The following SBF2 variants were observed in gnomAD, a reference collection of about 807,000 sequenced individuals.
SBF2 encodes the protein myotubularin-related protein 13.
Under a neutral mutation model 225.2 loss-of-function variants are expected in SBF2, and 112 were observed. The ratio of observed to expected loss-of-function variants is 0.50; its 90% CI spans 0.43 to 0.58. The LOEUF (loss-of-function observed/expected upper bound fraction) is 0.58. Ranked by LOEUF, SBF2 falls within the 20% of genes least tolerant of loss-of-function variation. The pLI, the probability that SBF2 is intolerant of heterozygous loss-of-function variation, is 0.00. For synonymous variants in SBF2, 763 were observed against 773.3 expected, an observed-to-expected ratio of 0.99 and a Z score of 0.22; for missense variants, 1,996 against 2,206.2, an observed-to-expected ratio of 0.90 and a Z score of 1.91.
chr11:9,839,463 G>A (rs1445104460), intron 26 of SBF2, 35 bp downstream of exon 26: 19 of 1,594,578 alleles, frequency 1.2e-5, no homozygotes, highest in Middle Eastern at 3.3e-4. Flanking sequence ...AGAAAGGAAG[G>A]AAGACCTCTT....
intron 2 of SBF2, among the ~76,000 whole-genome samples, chr11:10,127,453 T>C (rs539237138): frequency 1.8e-4 from 28 of 152,082 alleles, no homozygotes; most frequent in Non-Finnish European, 1.0e-4. Context: ...TTTTCTATTG[T>C]TGTTATCTCA....
Position 9,939,385 on chromosome 11 carries a change from T to C in SBF2, c.1860+22572A>G, listed in dbSNP as rs530367405. Among the ~76,000 whole-genome samples the C allele has an allele frequency of 2.8e-4, 42 of 152,290 alleles. No homozygotes were observed. The South Asian group carries it at 4.4e-3, about 16-fold the overall frequency. On this transcript the variant is annotated intron_variant, in intron 16 of 39. Coordinates refer to ENST00000256190, the MANE Select transcript of SBF2 (RefSeq NM_030962.4). Reference sequence around the variant, plus strand: ...TGCTGGTATTACAGGCGTGAGCCACTGCGCCCGGCCTAAACATGCATTTAA... The same window carrying C: ...TGCTGGTATTACAGGCGTGAGCCACCGCGCCCGGCCTAAACATGCATTTAA...
chr11:9,926,597 G>A (rs1864073221), intron 16 of SBF2, among the ~76,000 whole-genome samples: 1 of 152,050 alleles, frequency 6.6e-6, no homozygotes, highest in South Asian at 2.1e-4. Context: ...ACCTCTGAAA[G>A]ATCCACGCAA....
chr11:10,003,410 G>A (rs1194408539), intron 6 of SBF2, among the ~76,000 whole-genome samples: 2 of 147,454 alleles, frequency 1.4e-5, no homozygotes, highest in African/African-American at 5.0e-5. Flanking sequence ...CTCTGTCATC[G>A]AGGTTGGAGT....
At chr11:10,123,044 G>A (rs183159584) in intron 2 of SBF2, among the ~76,000 whole-genome samples, 1 of 152,086 alleles carries the variant, frequency 6.6e-6, no homozygotes, top group East Asian at 1.9e-4. Context: ...TCACCACACA[G>A]GCAGCTCTTA....
intron 2 of SBF2, among the ~76,000 whole-genome samples, chr11:10,103,163 C>T (rs1184449878): frequency 1.3e-5 from 2 of 151,984 alleles, no homozygotes; most frequent in Non-Finnish European, 2.9e-5. Context: ...ATCATTTTGG[C>T]CAAATGAATG....
At chr11:10,172,754 C>T (rs1253619683) in intron 2 of SBF2, among the ~76,000 whole-genome samples, 4 of 152,100 alleles carry the variant, frequency 2.6e-5, no homozygotes, top group Non-Finnish European at 5.9e-5. Flanking sequence ...GTAACCTCTG[C>T]CTCCTGGGTT....
chr11:10,212,606 T>C (rs1437975902), intron 1 of SBF2, among the ~76,000 whole-genome samples: 3 of 152,218 alleles, frequency 2.0e-5, no homozygotes, highest in African/African-American at 7.2e-5. Flanking sequence ...CTACATTCAT[T>C]GGACCTTAAG....
chr11:10,062,411 A>T (rs927425743), intron 2 of SBF2, among the ~76,000 whole-genome samples: 3 of 152,230 alleles, frequency 2.0e-5, no homozygotes, highest in Non-Finnish European at 2.9e-5. Flanking sequence ...AAGCCTACAG[A>T]CTGGGAGAAA....
chr11:9,930,102 A>G (rs560184836), intron 16 of SBF2, among the ~76,000 whole-genome samples: 2 of 152,256 alleles, frequency 1.3e-5, no homozygotes, highest in African/African-American at 4.8e-5. Context: ...ACGTTTACCT[A>G]TGTAACAAAC....
At chr11:9,805,103 A>G (rs1166305162) in intron 32 of SBF2, among the ~76,000 whole-genome samples, 1 of 152,040 alleles carries the variant, frequency 6.6e-6, no homozygotes, top group Admixed American at 6.5e-5. Flanking sequence ...AAAATTAACC[A>G]GCTGTGGTGG....
chr11:9,848,154 T>C lies in SBF2; in HGVS notation c.2807-1071A>G, dbSNP rs574186546. Among the ~76,000 whole-genome samples the C allele has an allele frequency of 1.2e-3, 188 of 152,316 alleles. 1 individual carries two copies. The highest frequency in any genetic ancestry group is 4.2e-3 in the African/African-American group (176 of 41,582). The stretch of plus-strand genomic sequence containing the variant: ...TTAACAGCTCATACATTTCTTCATT[T>C]ATTATAATCAGAATCCTAATTCCCT... On this transcript the variant is annotated intron_variant, in intron 22 of 39. Transcript: ENST00000256190.
chr11:9,912,001 T>C (rs2134189743), intron 16 of SBF2, among the ~76,000 whole-genome samples: 1 of 152,360 alleles, frequency 6.6e-6, no homozygotes, highest in South Asian at 2.1e-4. Context: ...CATAAACTTT[T>C]TAAAAACACT....
rs188887139 is a variant in SBF2 at position 10,036,283 on chromosome 11, C to T, written c.280-5113G>A. Among the ~76,000 whole-genome samples the T allele has an allele frequency of 3.2e-3, 479 of 151,912 alleles. 1 individual carries two copies. The highest frequency in any genetic ancestry group is 0.01 in the African/African-American group (430 of 41,414). ...TCAGTGGGTAGTGGGGTTAGGGGAG[C>T]GATAGCATTAGGAGAAATATTTAAT... On this transcript the variant is annotated intron_variant, in intron 3 of 39. Coordinates refer to ENST00000256190, the MANE Select transcript of SBF2 (RefSeq NM_030962.4).
At chr11:9,888,639 T>C (rs991162477) in intron 17 of SBF2, among the ~76,000 whole-genome samples, 2 of 152,168 alleles carry the variant, frequency 1.3e-5, no homozygotes, top group African/African-American at 4.8e-5. Flanking sequence ...GCTGGTTATA[T>C]GTGTGAAAAT....
At chr11:10,170,235 T>C (rs1956131508) in intron 2 of SBF2, among the ~76,000 whole-genome samples, 1 of 152,188 alleles carries the variant, frequency 6.6e-6, no homozygotes, top group South Asian at 2.1e-4. Flanking sequence ...TCTCCCATGT[T>C]TTCATGTAGT....
chr11:9,846,468 T>C (rs1043419996), intron 23 of SBF2, among the ~76,000 whole-genome samples: 3 of 152,242 alleles, frequency 2.0e-5, no homozygotes, highest in Non-Finnish European at 4.4e-5. Context: ...TATTGAGTTA[T>C]TGCAGTAATT....
chr11:10,122,472 AAT>A (rs1953515348), intron 2 of SBF2, among the ~76,000 whole-genome samples: 1 of 152,208 alleles, frequency 6.6e-6, no homozygotes, highest in Non-Finnish European at 1.5e-5. Flanking sequence ...AAACTTGCTT[AAT>A]ATTTGAATTA....
chr11:9,821,795 T>C (rs1407165524), intron 28 of SBF2, among the ~76,000 whole-genome samples: 2 of 152,242 alleles, frequency 1.3e-5, no homozygotes, highest in Admixed American at 6.5e-5. Context: ...TTATACATTT[T>C]GCATGTGCCT....
Sources: gnomAD v4.1 joint callset for allele counts (sites outside exome capture counted in the v4.1 genomes callset) on GRCh38, gnomAD v4.1.1 for gene constraint, MANE v1.5 for transcripts, NCBI Gene and HGNC (gene_info 2026-07-23, HGNC 2026-07-21) for gene names.